The following HECTD4 variants were observed in gnomAD, a reference collection of about 807,000 sequenced individuals.
HECTD4 encodes probable E3 ubiquitin-protein ligase HECTD4.
In HECTD4, 114 loss-of-function variants were observed where a neutral mutation model predicts 471.5. The ratio of observed to expected loss-of-function variants is 0.24; its 90% CI spans 0.21 to 0.28. The LOEUF (loss-of-function observed/expected upper bound fraction) is 0.28, where lower values mean the gene tolerates loss of function less well. HECTD4 is among the 10% of genes least tolerant of loss of function. The probability of loss-of-function intolerance (pLI) is 1.00; values close to 1 mark genes in which losing one functional copy is unlikely to be tolerated. For missense variants in HECTD4, 3,866 were observed against 5,651.5 expected, an observed-to-expected ratio of 0.68 and a Z score of 10.13; for synonymous variants, 2,012 against 2,256.0, an observed-to-expected ratio of 0.89 and a Z score of 3.07.
At chr12:112,370,645 TACACGAAAAAATTTTCACTAATTTAG>T (rs2036648212) in intron 1 of HECTD4, among the ~76,000 whole-genome samples, 1 of 152,140 alleles carries the variant, frequency 6.6e-6, no homozygotes, top group Admixed American at 6.6e-5. Context: ...TTGAAGAATA[TACACGAAAAAATTTTCACTAATTTAG>T]CCAGGGCAAG....
intron 43 of HECTD4, 79 bp from the exon 44 acceptor site, chr12:112,226,837 A>C: frequency 9.4e-7 from 1 of 1,061,606 alleles, no homozygotes; most frequent in South Asian, 1.6e-5. Context: ...AAAACATTTC[A>C]ATCAATTTTG....
intron 70 of HECTD4, 102 bp downstream of exon 70, chr12:112,169,401 T>A: frequency 7.9e-7 from 1 of 1,271,878 alleles, no homozygotes; most frequent in Non-Finnish European, 1.1e-6. Flanking sequence ...GTGCTGAGGA[T>A]GTGGCTTTTA....
chr12:112,298,641 G>T (rs1390189232), intron 7 of HECTD4, among the ~76,000 whole-genome samples: 1 of 151,684 alleles, frequency 6.6e-6, no homozygotes, highest in Non-Finnish European at 1.5e-5. Context: ...CCAGCACTTT[G>T]GGAGGTCAAG....
intron 5 of HECTD4, 56 bp from the exon 6 acceptor site, chr12:112,308,947 A>G: frequency 6.8e-7 from 1 of 1,479,446 alleles, no homozygotes; most frequent in Non-Finnish European, 9.0e-7. Flanking sequence ...GAAACCCCAC[A>G]CAAGCTACAA....
At chr12:112,260,815 A>C (rs1197598888) in intron 18 of HECTD4, among the ~76,000 whole-genome samples, 1 of 151,772 alleles carries the variant, frequency 6.6e-6, no homozygotes, top group Non-Finnish European at 1.5e-5. Flanking sequence ...AAGGCTGAGA[A>C]AGGGCTTTAT....
At chr12:112,221,748 TTTTTC>T (rs1248032142) in intron 44 of HECTD4, among the ~76,000 whole-genome samples, 1 of 151,418 alleles carries the variant, frequency 6.6e-6, no homozygotes. Flanking sequence ...CTTGTTTTTC[TTTTTC>T]TTTTCTTTTT....
Position 112,308,801 on chromosome 12 carries a change from A to T in HECTD4, c.1116T>A (p.Asp372Glu). 6.5e-7 allele frequency: 1 copy of T among 1,536,060 alleles called. No individual in the cohort carries two copies. The highest frequency in any genetic ancestry group is 8.7e-7 in the Non-Finnish European group (1 of 1,146,852). The change falls in exon 6 of 76, where the codon GAT (aspartate) becomes GAA (glutamate). Residue 372 changes from aspartate to glutamate, a missense_variant. Asp to Glu is a conservative substitution (Grantham distance 45, BLOSUM62 2). Transcript: ENST00000682272. Reference sequence around the variant, plus strand: ...CCTGGAAAAGGGAGTGAGGTTTATTATCGAAAGAGACAGGCCGGTGGAGAA... The same window carrying T: ...CCTGGAAAAGGGAGTGAGGTTTATTTTCGAAAGAGACAGGCCGGTGGAGAA... ...GSLLHRPVSF[D>E]NKPHSLFQVI...
At chr12:112,232,440 G>GT (rs2033404687) in intron 38 of HECTD4, among the ~76,000 whole-genome samples, 1 of 152,082 alleles carries the variant, frequency 6.6e-6, no homozygotes, top group Non-Finnish European at 1.5e-5. Flanking sequence ...TATTTTGTTT[G>GT]TTTTTTCAAA....
At chr12:112,335,127 G>C (rs1203408958) in intron 1 of HECTD4, among the ~76,000 whole-genome samples, 2 of 131,912 alleles carry the variant, frequency 1.5e-5, no homozygotes, top group Non-Finnish European at 3.0e-5. Flanking sequence ...CCAACAAGTG[G>C]ATAAAGAAAC....
At chr12:112,349,369 CAG>C (rs2036210975) in intron 1 of HECTD4, among the ~76,000 whole-genome samples, 1 of 107,824 alleles carries the variant, frequency 9.3e-6, no homozygotes, top group Non-Finnish European at 1.7e-5. Flanking sequence ...GCCTGGGCGA[CAG>C]AGCAAGACTC....
At chr12:112,225,483 A>G (rs2033209026) in intron 44 of HECTD4, among the ~76,000 whole-genome samples, 1 of 152,090 alleles carries the variant, frequency 6.6e-6, no homozygotes, top group African/African-American at 2.4e-5. Flanking sequence ...CTTGGGGACA[A>G]AAGATAAATT....
At chr12:112,310,888 T>C (rs1433106423) in intron 4 of HECTD4, among the ~76,000 whole-genome samples, 1 of 152,220 alleles carries the variant, frequency 6.6e-6, no homozygotes, top group Non-Finnish European at 1.5e-5. Context: ...TGGATACTTG[T>C]TGAAGCTGAG....
At position 112,243,154 on chromosome 12, in the gene HECTD4, GAGA is replaced by G. The variant is rs1241283159; in HGVS notation, c.4958+196_4958+198del. Among the ~76,000 whole-genome samples the G allele has an allele frequency of 6.6e-6, 1 of 152,210 alleles. No individual in the cohort carries two copies. Among genetic ancestry groups the G allele is most frequent in the Non-Finnish European group, 1.5e-5 (1 of 68,028 alleles). The stretch of plus-strand genomic sequence containing the variant: ...TCTTAATGGACAGAGTGGAATTCAG[GAGA>G]AGAAGGTGAATACTGAGAGTTTTAC... On this transcript the variant is annotated intron_variant, in intron 32 of 75. Coordinates refer to ENST00000682272, the MANE Select transcript of HECTD4 (RefSeq NM_001388303.1). This position sits in a 1 kb window ranked among gnomAD's most constrained non-coding sequence, Gnocchi z 6.6.
At chr12:112,378,142 C>A (rs2036818060) in intron 1 of HECTD4, among the ~76,000 whole-genome samples, 1 of 152,146 alleles carries the variant, frequency 6.6e-6, no homozygotes, top group Non-Finnish European at 1.5e-5. Context: ...TCACTGAGAT[C>A]TCCTGATCTC....
chr12:112,185,595 CACTG>C (rs2031833789), intron 60 of HECTD4, 102 bp from the exon 61 acceptor site: 1 of 859,840 alleles, frequency 1.2e-6, no homozygotes, highest in South Asian at 1.9e-5. Context: ...ACCCTGTGAA[CACTG>C]ACTGCGCAAT....
chr12:112,356,528 T>A (rs1380039264), intron 1 of HECTD4, among the ~76,000 whole-genome samples: 1 of 152,164 alleles, frequency 6.6e-6, no homozygotes, highest in Non-Finnish European at 1.5e-5. Flanking sequence ...AACCTCCATT[T>A]CCCAGGCTCA....
chr12:112,229,549 A>T (rs2033322540), intron 41 of HECTD4, 149 bp downstream of exon 41: 1 of 763,078 alleles, frequency 1.3e-6, no homozygotes, highest in Admixed American at 2.5e-5. Flanking sequence ...TTTGAATTCA[A>T]GAATTTCTCA....
chr12:112,243,995 A>G lies in HECTD4; in HGVS notation c.4528T>C (p.Ser1510Pro). 1 of 1,613,940 alleles carries G rather than the reference A, an allele frequency of 6.2e-7. No individual in the cohort carries two copies. The highest frequency in any genetic ancestry group is 8.5e-7 in the Non-Finnish European group (1 of 1,179,864). Reference protein sequence around the residue: ...PAETPACKSASETKVISHAVR... With the variant: ...PAETPACKSAPETKVISHAVR... ...GCGTGAGATATCACTTTTGTTTCAG[A>G]AGCTGATTTACAAGCTAGAAAAAAA... Residue 1510 changes from serine to proline, a missense_variant, in exon 30 of 76, where the codon TCT becomes CCT. Ser to Pro is a moderately conservative substitution (Grantham distance 74, BLOSUM62 -1). Transcript: ENST00000682272. This position sits in a 1 kb window ranked among gnomAD's most constrained non-coding sequence, Gnocchi z 6.6.
intron 72 of HECTD4, 22 bp downstream of exon 72, chr12:112,167,295 C>T (rs770659789): frequency 1.9e-6 from 3 of 1,589,694 alleles, no homozygotes; most frequent in East Asian, 2.2e-5. Flanking sequence ...TGCAGCCCCC[C>T]AGAACTGTGC....
Sources: gnomAD v4.1 joint callset for allele counts (sites outside exome capture counted in the v4.1 genomes callset) on GRCh38, gnomAD v4.1.1 for gene constraint, Gnocchi (gnomAD v3.1) non-coding constraint, MANE v1.5 for transcripts, NCBI Gene and HGNC (gene_info 2026-07-23, HGNC 2026-07-21) for gene names.